The following CNTNAP2 variants were observed in gnomAD, a reference collection of about 807,000 sequenced individuals.
The protein encoded by CNTNAP2 is contactin associated protein 2.
Under a neutral mutation model 155.2 loss-of-function variants are expected in CNTNAP2, and 98 were observed. That is an observed-to-expected ratio of 0.63 (90% CI 0.54 to 0.75). CNTNAP2 has a LOEUF of 0.75. Among genes scored for constraint, CNTNAP2 ranks in the 30% least tolerant of loss-of-function variants. The pLI, the probability that CNTNAP2 is intolerant of heterozygous loss-of-function variation, is 0.00. For synonymous variants in CNTNAP2, 651 were observed against 631.2 expected (o/e 1.03, Z -0.47); for missense variants, 1,727 against 1,688.1 (o/e 1.02, Z -0.40).
Position 147,150,789 on chromosome 7 carries a change from C to T in CNTNAP2, c.1348+18280C>T, listed in dbSNP as rs56105734. Among the ~76,000 whole-genome samples, 499 of 152,116 alleles carry T rather than the reference C, an allele frequency of 3.3e-3. 4 individuals carry two copies. The highest frequency in any genetic ancestry group is 4.8e-3 in the Non-Finnish European group (329 of 67,984). On this transcript the variant is annotated intron_variant, in intron 8 of 23. Transcript: ENST00000361727. ...AAGTACAAAAAACAGAACAAGACGA[C>T]AACAGAGTAGGTAAGTAATCACACT...
At chr7:147,457,652 T>C (rs180729780) in intron 10 of CNTNAP2, among the ~76,000 whole-genome samples, 2 of 152,230 alleles carry the variant, frequency 1.3e-5, no homozygotes, top group Admixed American at 6.5e-5. Flanking sequence ...CCACGAGATA[T>C]TGGTTAAATA....
intron 19 of CNTNAP2, among the ~76,000 whole-genome samples, chr7:148,228,193 C>T (rs1795891051): frequency 2.6e-5 from 4 of 151,958 alleles, no homozygotes; most frequent in Admixed American, 2.6e-4. Context: ...TCTGAGATAT[C>T]AACATGAAAA....
At chr7:148,080,451 A>G (rs557250254) in intron 15 of CNTNAP2, among the ~76,000 whole-genome samples, 1 of 151,894 alleles carries the variant, frequency 6.6e-6, no homozygotes, top group South Asian at 2.1e-4. Flanking sequence ...TAAAAATACA[A>G]CAAAATTAGC....
intron 1 of CNTNAP2, among the ~76,000 whole-genome samples, chr7:146,423,715 T>C (rs1307479195): frequency 2.6e-5 from 4 of 152,224 alleles, no homozygotes; most frequent in Non-Finnish European, 5.9e-5. Context: ...ATGGTATTCC[T>C]TTACACTTAG....
chr7:146,127,593 A>C (rs1269309873), intron 1 of CNTNAP2, among the ~76,000 whole-genome samples: 2 of 152,160 alleles, frequency 1.3e-5, no homozygotes, highest in Non-Finnish European at 2.9e-5. Context: ...TTTCTACCGG[A>C]TTTTATTTTA....
chr7:147,049,644 C>T (rs748064402), intron 4 of CNTNAP2, among the ~76,000 whole-genome samples: 24 of 152,156 alleles, frequency 1.6e-4, no homozygotes, highest in African/African-American at 4.3e-4. Flanking sequence ...TGATCCTGCC[C>T]GTGGAAGAGA....
chr7:146,651,798 A>G (rs373839061), intron 1 of CNTNAP2, among the ~76,000 whole-genome samples: 6 of 152,244 alleles, frequency 3.9e-5, no homozygotes, highest in African/African-American at 1.2e-4. Flanking sequence ...CACCAATGCT[A>G]TATATTATTC....
intron 12 of CNTNAP2, among the ~76,000 whole-genome samples, chr7:147,627,854 ATAGAC>A (rs1795015732): frequency 6.6e-6 from 1 of 151,818 alleles, no homozygotes; most frequent in East Asian, 1.9e-4. Context: ...AGTTTCAACA[ATAGAC>A]TAGAACAAGT....
At position 146,116,938 on chromosome 7, in the gene CNTNAP2, GC is replaced by G; in HGVS notation, c.64del (p.Leu22SerfsTer44). 6.4e-7 allele frequency: 1 copy of G among 1,552,136 alleles called. No homozygotes were observed. Among genetic ancestry groups the G allele is most frequent in the Non-Finnish European group, 8.7e-7 (1 of 1,147,492 alleles). On this transcript the variant is annotated frameshift_variant, in exon 1 of 24. Coordinates refer to ENST00000361727, the MANE Select transcript of CNTNAP2 (RefSeq NM_014141.6). LOFTEE classifies it high-confidence loss of function. This position sits in a 1 kb window ranked among gnomAD's most constrained non-coding sequence, Gnocchi z 5.5. The part of the protein sequence containing the change: ...AALLLWIVSS[C>X]LCRAWTAPST... Reference sequence around the variant, plus strand: ...CTCCTGCTGTGGATTGTCAGCAGCTGCCTCTGCAGAGCCTGGACGGCTCCCT... The same window carrying G: ...CTCCTGCTGTGGATTGTCAGCAGCTGCTCTGCAGAGCCTGGACGGCTCCCT...
chr7:146,758,427 A>C (rs888797275), intron 1 of CNTNAP2, among the ~76,000 whole-genome samples: 1 of 152,108 alleles, frequency 6.6e-6, no homozygotes, highest in Non-Finnish European at 1.5e-5. Flanking sequence ...TGATCTCCTG[A>C]GTTCTGGTCT....
intron 21 of CNTNAP2, among the ~76,000 whole-genome samples, chr7:148,288,838 T>C (rs1797137187): frequency 6.6e-6 from 1 of 151,690 alleles, no homozygotes; most frequent in South Asian, 2.1e-4. Flanking sequence ...AAATATTTCT[T>C]GGACAACAAC....
chr7:148,324,528 C>T (rs113442564), intron 21 of CNTNAP2, among the ~76,000 whole-genome samples: 2,986 of 152,132 alleles, frequency 0.02, 101 homozygotes, highest in African/African-American at 0.068. Context: ...TCGGGCGCAG[C>T]GGCTCATGCC....
chr7:146,580,757 A>C (rs1798599650), intron 1 of CNTNAP2, among the ~76,000 whole-genome samples: 1 of 152,124 alleles, frequency 6.6e-6, no homozygotes, highest in Non-Finnish European at 1.5e-5. Context: ...AATATTATTA[A>C]AATGTAAGCT....
At chr7:146,300,814 A>G (rs1364128300) in intron 1 of CNTNAP2, among the ~76,000 whole-genome samples, 3 of 152,186 alleles carry the variant, frequency 2.0e-5, no homozygotes, top group Admixed American at 1.3e-4. Context: ...GGATTCTACA[A>G]TGGGTTTGCT....
chr7:147,890,841 TTTAG>T (rs1438032007), intron 13 of CNTNAP2, among the ~76,000 whole-genome samples: 1 of 152,074 alleles, frequency 6.6e-6, no homozygotes, highest in African/African-American at 2.4e-5. Flanking sequence ...GATATAAAAT[TTTAG>T]TTAGATAGGA....
intron 21 of CNTNAP2, among the ~76,000 whole-genome samples, chr7:148,345,240 G>T (rs907825777): frequency 7.2e-5 from 11 of 152,144 alleles, no homozygotes; most frequent in African/African-American, 2.7e-4. Flanking sequence ...CTGGGTCCTG[G>T]GGGGCAGACT....
intron 8 of CNTNAP2, among the ~76,000 whole-genome samples, chr7:147,278,288 T>C (rs1209516831): frequency 2.0e-5 from 3 of 151,970 alleles, no homozygotes; most frequent in Admixed American, 6.6e-5. Context: ...CCATAGTTCA[T>C]AGTGATTTCT....
At chr7:147,678,802 C>G (rs1268662046) in intron 13 of CNTNAP2, among the ~76,000 whole-genome samples, 3 of 151,950 alleles carry the variant, frequency 2.0e-5, no homozygotes, top group East Asian at 3.9e-4. Flanking sequence ...ATATTTACTA[C>G]TTATAGGTGG....
chr7:147,543,612 C>T (rs1469887999), intron 11 of CNTNAP2, among the ~76,000 whole-genome samples: 1 of 152,102 alleles, frequency 6.6e-6, no homozygotes, highest in African/African-American at 2.4e-5. Context: ...TTATCTAATT[C>T]AGAGTTTTTA....
Sources: gnomAD v4.1 joint callset for allele counts (sites outside exome capture counted in the v4.1 genomes callset) on GRCh38, gnomAD v4.1.1 for gene constraint, Gnocchi (gnomAD v3.1) non-coding constraint, MANE v1.5 for transcripts, NCBI Gene and HGNC (gene_info 2026-07-23, HGNC 2026-07-21) for gene names.